Variants in CCDC12 observed in about 807,000 individuals in gnomAD.
CCDC12 encodes coiled-coil domain containing 12.
In CCDC12, 28 loss-of-function variants were observed where a neutral mutation model predicts 25.7. The ratio of observed to expected loss-of-function variants is 1.09; its 90% CI spans 0.81 to 1.50. CCDC12 has a LOEUF of 1.50. Ranked by LOEUF, CCDC12 falls within the 40% of genes most tolerant of loss-of-function variation. The pLI, the probability that CCDC12 is intolerant of heterozygous loss-of-function variation, is 0.00. For synonymous variants in CCDC12, 75 were observed against 87.7 expected, an observed-to-expected ratio of 0.86 and a Z score of 0.81; for missense variants, 198 against 210.0, an observed-to-expected ratio of 0.94 and a Z score of 0.35.
intron 2 of CCDC12, among the ~76,000 whole-genome samples, chr3:46,936,565 G>C (rs1202205551): frequency 6.6e-6 from 1 of 152,124 alleles, no homozygotes; most frequent in African/African-American, 2.4e-5. Flanking sequence ...ACTTGCCCAG[G>C]GTTAGAAAAT....
chr3:46,930,952 T>C (rs1159840547), intron 2 of CCDC12, among the ~76,000 whole-genome samples: 2 of 152,288 alleles, frequency 1.3e-5, no homozygotes, highest in East Asian at 3.9e-4. Context: ...ACCAGGCAGC[T>C]CCAGGAGGGG....
chr3:46,936,347 A>G (rs548727840), intron 2 of CCDC12, among the ~76,000 whole-genome samples: 19 of 152,164 alleles, frequency 1.2e-4, no homozygotes, highest in Non-Finnish European at 2.1e-4. Flanking sequence ...CACATGCTTT[A>G]TGTAAAAGTT....
chr3:46,976,391 G>C, intron 1 of CCDC12: 1 of 1,396,936 alleles, frequency 7.2e-7, no homozygotes. Context: ...GATGGACTGC[G>C]GGTCGCTGAC....
intron 2 of CCDC12, among the ~76,000 whole-genome samples, chr3:46,932,445 C>T (rs1029812144): frequency 3.3e-5 from 5 of 152,188 alleles, no homozygotes; most frequent in African/African-American, 4.8e-5. Context: ...CAGTGGCTTC[C>T]CCACTCGTGG....
intron 1 of CCDC12, among the ~76,000 whole-genome samples, chr3:46,962,181 C>T (rs1340023835): frequency 6.6e-6 from 1 of 152,094 alleles, no homozygotes; most frequent in Non-Finnish European, 1.5e-5. Context: ...CGTCTGTAAT[C>T]TCAGCACTTT....
At chr3:46,928,993 A>G (rs1048064637) in intron 2 of CCDC12, among the ~76,000 whole-genome samples, 2 of 152,198 alleles carry the variant, frequency 1.3e-5, no homozygotes, top group African/African-American at 2.4e-5. Flanking sequence ...CTGTCTCAAA[A>G]AAAAAGCAGG....
At position 46,921,941 on chromosome 3, in the gene CCDC12, G is replaced by A. The variant is rs2032694847; in HGVS notation, c.*116C>T. 1 of 1,074,426 alleles carries A rather than the reference G, an allele frequency of 9.3e-7. No individual in the cohort carries two copies. The highest frequency in any genetic ancestry group is 1.6e-5 in the African/African-American group (1 of 63,946). 66.6% of individuals were successfully genotyped at this position (1,074,426 alleles called of 1,614,324 possible). On this transcript the variant is annotated 3_prime_UTR_variant, in exon 7 of 7. Coordinates refer to ENST00000683445, the MANE Select transcript of CCDC12 (RefSeq NM_001277074.2). Reference sequence around the variant, plus strand: ...ATGGGGGTTTCAGACTTGATGGGCAGGGAGTCTCTGCTCAGAAGCCAAACT... The same window carrying A: ...ATGGGGGTTTCAGACTTGATGGGCAAGGAGTCTCTGCTCAGAAGCCAAACT...
chr3:46,935,090 G>A (rs918986508), intron 2 of CCDC12, among the ~76,000 whole-genome samples: 1 of 152,224 alleles, frequency 6.6e-6, no homozygotes, highest in Non-Finnish European at 1.5e-5. Flanking sequence ...CTCCACAAGA[G>A]GGTCATGCAC....
upstream of CCDC12, among the ~76,000 whole-genome samples, chr3:46,979,280 A>G (rs563033710): frequency 1.3e-5 from 2 of 152,368 alleles, no homozygotes; most frequent in South Asian, 4.1e-4. Context: ...CGGTCTTCCC[A>G]TAAAGCGACA....
Position 46,937,739 on chromosome 3 carries a change from T to G in CCDC12, c.164+3259A>C, listed in dbSNP as rs146115779. 2.6e-3 allele frequency among the ~76,000 whole-genome samples: 396 copies of G among 152,298 alleles called. 4 individuals are homozygous for G. Among genetic ancestry groups the G allele is most frequent in the African/African-American group, 9.1e-3 (379 of 41,558 alleles). On this transcript the variant is annotated intron_variant, in intron 2 of 6. Transcript: ENST00000683445. ...CACGGCCTCTGCTGCATCCTGCTCT[T>G]CCTGGAAAGTCCATCATCCCCAATC...
chr3:46,948,338 C>T (rs7640397), intron 1 of CCDC12, among the ~76,000 whole-genome samples: 74,973 of 152,066 alleles, frequency 0.49, 19,988 homozygotes, highest in Non-Finnish European at 0.58. Flanking sequence ...AAGAACAAAG[C>T]GCTGAGCGGG....
chr3:46,949,744 G>A (rs1046908416), intron 1 of CCDC12, among the ~76,000 whole-genome samples: 2 of 152,214 alleles, frequency 1.3e-5, no homozygotes, highest in African/African-American at 4.8e-5. Flanking sequence ...AAAACTGCCT[G>A]CTGGCCGGGC....
chr3:46,963,809 C>T (rs1200525197), intron 1 of CCDC12, among the ~76,000 whole-genome samples: 2 of 152,246 alleles, frequency 1.3e-5, no homozygotes, highest in East Asian at 1.9e-4. Context: ...CTCGCTACAA[C>T]CTCCACCTCC....
chr3:46,930,031 C>CA (rs145507739), intron 2 of CCDC12, among the ~76,000 whole-genome samples: 23,784 of 39,778 alleles, frequency 0.6, 7,746 homozygotes, highest in Non-Finnish European at 0.7. Context: ...GACCCCATCT[C>CA]AAAAAAAAAA....
chr3:46,954,590 T>C (rs1251947484), intron 1 of CCDC12, among the ~76,000 whole-genome samples: 1 of 152,144 alleles, frequency 6.6e-6, no homozygotes, highest in African/African-American at 2.4e-5. Flanking sequence ...GTTCTTAAAA[T>C]GGGGTGGGTC....
intron 1 of CCDC12, among the ~76,000 whole-genome samples, chr3:46,947,388 C>T (rs1427531639): frequency 6.6e-6 from 1 of 152,220 alleles, no homozygotes; most frequent in African/African-American, 2.4e-5. Context: ...GGAGGGACTT[C>T]CTGTCGGGTG....
At chr3:46,926,771 T>C (rs1229553714) in intron 2 of CCDC12, among the ~76,000 whole-genome samples, 4 of 152,144 alleles carry the variant, frequency 2.6e-5, no homozygotes, top group Non-Finnish European at 5.9e-5. Flanking sequence ...GTCCTCCTCC[T>C]TCCCCAGTAC....
At chr3:46,980,099 G>A (rs2035212705), upstream of CCDC12, among the ~76,000 whole-genome samples, 1 of 152,112 alleles carries the variant, frequency 6.6e-6, no homozygotes, top group South Asian at 2.1e-4. Context: ...GGTGCCTCTG[G>A]CACTTATGCC....
intron 1 of CCDC12, among the ~76,000 whole-genome samples, chr3:46,975,498 C>T (rs2034940018): frequency 6.6e-6 from 1 of 150,968 alleles, no homozygotes; most frequent in Non-Finnish European, 1.5e-5. Context: ...ATTTCTAAGG[C>T]CCACCCTTAG....
Sources: allele counts gnomAD v4.1 joint callset (sites outside exome capture counted in the v4.1 genomes callset), GRCh38; gene constraint gnomAD v4.1.1; transcripts MANE v1.5; gene names NCBI Gene and HGNC (gene_info 2026-07-23, HGNC 2026-07-21).